The following FRMD4B variants were observed in gnomAD, a reference collection of about 807,000 sequenced individuals.
FRMD4B encodes FERM domain-containing protein 4B.
A neutral mutation model predicts 141.5 loss-of-function variants in FRMD4B; 74 were observed. The ratio of observed to expected loss-of-function variants is 0.52; its 90% CI spans 0.43 to 0.63. FRMD4B has a LOEUF of 0.63. FRMD4B is among the 30% of genes least tolerant of loss of function. FRMD4B has a pLI of 0.00. For synonymous variants in FRMD4B, 506 were observed against 467.9 expected, an observed-to-expected ratio of 1.08 and a Z score of -1.05; for missense variants, 1,366 against 1,253.4, an observed-to-expected ratio of 1.09 and a Z score of -1.36.
At chr3:69,202,898 A>G (rs1420099137) in intron 11 of FRMD4B, among the ~76,000 whole-genome samples, 2 of 152,176 alleles carry the variant, frequency 1.3e-5, no homozygotes, top group African/African-American at 4.8e-5. Context: ...TAACATTAAC[A>G]AAGAGATAAT....
Position 69,334,096 on chromosome 3 carries a change from T to C in FRMD4B, c.163-20579A>G, listed in dbSNP as rs556188835. 2.0e-5 allele frequency: 3 copies of C among 152,240 alleles called. No individual in the cohort carries two copies. In the East Asian group the frequency reaches 5.8e-4, roughly 29 times the overall value. The allele number at this position is 152,240 out of a possible 1,614,324, so 9.4% of individuals were successfully genotyped here. A position where few individuals can be genotyped will look rare whatever the true frequency, so the allele number is the denominator to read the frequency against. ...GATATGGCTAACACTCTTAAGATAA[T>C]GGGGCTATGATCAGGTGTGTCAGCC... On this transcript the variant is annotated intron_variant, in intron 1 of 22. Coordinates refer to ENST00000398540, the MANE Select transcript of FRMD4B (RefSeq NM_015123.3).
chr3:69,536,593 T>G (rs1200195894), intron 1 of FRMD4B: 2 of 815,330 alleles, frequency 2.5e-6, no homozygotes, highest in East Asian at 5.4e-5. Flanking sequence ...GGGAAGCTGC[T>G]GCAGCTCAGG....
At chr3:69,527,646 C>G (rs1700949681) in intron 1 of FRMD4B, among the ~76,000 whole-genome samples, 1 of 152,190 alleles carries the variant, frequency 6.6e-6, no homozygotes, top group Admixed American at 6.5e-5. Flanking sequence ...GGAGCATAAT[C>G]TTTCAGAGGT....
At chr3:69,301,595 G>T (rs1342872345) in intron 4 of FRMD4B, among the ~76,000 whole-genome samples, 1 of 152,162 alleles carries the variant, frequency 6.6e-6, no homozygotes, top group Non-Finnish European at 1.5e-5. Context: ...CTCCCAAGGT[G>T]CTGGAATTAC....
At chr3:69,481,086 T>G (rs540932347) in intron 1 of FRMD4B, among the ~76,000 whole-genome samples, 1 of 152,132 alleles carries the variant, frequency 6.6e-6, no homozygotes, top group Non-Finnish European at 1.5e-5. Flanking sequence ...AGGGTAGGAG[T>G]GACCTGATTT....
At chr3:69,435,423 A>G (rs1219655696) in intron 1 of FRMD4B, among the ~76,000 whole-genome samples, 1 of 152,172 alleles carries the variant, frequency 6.6e-6, no homozygotes, top group Non-Finnish European at 1.5e-5. Flanking sequence ...TAAACCAAGC[A>G]TCACAAGACT....
At chr3:69,328,174 G>A (rs1215578335) in intron 1 of FRMD4B, among the ~76,000 whole-genome samples, 1 of 150,996 alleles carries the variant, frequency 6.6e-6, no homozygotes, top group East Asian at 1.9e-4. Context: ...TGGTTGTTAG[G>A]TACAACTAAT....
At chr3:69,527,678 T>C (rs1700950053) in intron 1 of FRMD4B, among the ~76,000 whole-genome samples, 1 of 152,222 alleles carries the variant, frequency 6.6e-6, no homozygotes, top group Non-Finnish European at 1.5e-5. Flanking sequence ...AGGTCCCATG[T>C]GTGACCTCAC....
chr3:69,532,020 G>A (rs887893165), intron 1 of FRMD4B, among the ~76,000 whole-genome samples: 3 of 152,172 alleles, frequency 2.0e-5, no homozygotes, highest in African/African-American at 7.2e-5. Context: ...CATAGTTGGA[G>A]CAAATGACCA....
At chr3:69,187,272 A>T (rs1247965396) in intron 19 of FRMD4B, among the ~76,000 whole-genome samples, 2 of 151,982 alleles carry the variant, frequency 1.3e-5, no homozygotes, top group African/African-American at 4.8e-5. Context: ...TCAGCCAGGC[A>T]CGGTGGCTCA....
At chr3:69,283,623 T>A (rs911535552) in intron 5 of FRMD4B, among the ~76,000 whole-genome samples, 1 of 152,122 alleles carries the variant, frequency 6.6e-6, no homozygotes, top group African/African-American at 2.4e-5. Flanking sequence ...AGAAAACACT[T>A]GATCAATGCC....
At chr3:69,343,411 CAG>C (rs1484574520) in intron 1 of FRMD4B, among the ~76,000 whole-genome samples, 4 of 152,090 alleles carry the variant, frequency 2.6e-5, no homozygotes, top group African/African-American at 7.2e-5. Flanking sequence ...CTATCAAAAA[CAG>C]AACCTTTAAC....
intron 1 of FRMD4B, among the ~76,000 whole-genome samples, chr3:69,341,236 C>G (rs77800616): frequency 7.4e-4 from 113 of 152,254 alleles, no homozygotes; most frequent in African/African-American, 2.6e-3. Context: ...ACAGTTACCA[C>G]GAACAACCTC....
chr3:69,172,926 T>C (rs1490293313), intron 22 of FRMD4B, among the ~76,000 whole-genome samples: 1 of 152,246 alleles, frequency 6.6e-6, no homozygotes, highest in Non-Finnish European at 1.5e-5. Context: ...AGGTTTTTAG[T>C]GTTTTCATGT....
At chr3:69,371,017 G>C (rs1263606102) in intron 1 of FRMD4B, among the ~76,000 whole-genome samples, 1 of 152,218 alleles carries the variant, frequency 6.6e-6, no homozygotes, top group African/African-American at 2.4e-5. Flanking sequence ...TCTGGCAGGG[G>C]AAATGAGCAT....
intron 1 of FRMD4B, among the ~76,000 whole-genome samples, chr3:69,353,969 G>C (rs1375256279): frequency 6.6e-6 from 1 of 152,192 alleles, no homozygotes; most frequent in African/African-American, 2.4e-5. Context: ...TAATTATTCA[G>C]AGATAGGCGA....
chr3:69,278,073 CT>C (rs1559772783), intron 5 of FRMD4B, among the ~76,000 whole-genome samples: 4 of 143,256 alleles, frequency 2.8e-5, no homozygotes, highest in Non-Finnish European at 6.1e-5. Flanking sequence ...CCAGGCTGGT[CT>C]CGAACTCCTG....
chr3:69,205,261 T>C (rs748061817), intron 11 of FRMD4B, among the ~76,000 whole-genome samples: 3 of 151,592 alleles, frequency 2.0e-5, no homozygotes, highest in Admixed American at 1.3e-4. Context: ...CCTCGACTTC[T>C]CGGGCTCGCG....
At chr3:69,289,008 T>C (rs1700788124) in intron 4 of FRMD4B, among the ~76,000 whole-genome samples, 1 of 152,236 alleles carries the variant, frequency 6.6e-6, no homozygotes. Context: ...TCAACGGAAG[T>C]TCCAGAAAGA....
Sources: allele counts gnomAD v4.1 joint callset (sites outside exome capture counted in the v4.1 genomes callset), GRCh38; gene constraint gnomAD v4.1.1; transcripts MANE v1.5; gene names NCBI Gene and HGNC (gene_info 2026-07-23, HGNC 2026-07-21).